The following COL25A1 variants were observed in gnomAD, a reference collection of about 807,000 sequenced individuals.
COL25A1 encodes collagen type XXV alpha 1 chain.
In COL25A1, 103 loss-of-function variants were observed where a neutral mutation model predicts 128.4. The ratio of observed to expected loss-of-function variants is 0.80; its 90% CI spans 0.68 to 0.94. COL25A1 has a LOEUF of 0.94. Among genes scored for constraint, COL25A1 ranks in the 40% least tolerant of loss-of-function variants. COL25A1 has a pLI of 0.00. For missense variants in COL25A1, 745 were observed against 840.0 expected (o/e 0.89, Z 1.40); for synonymous variants, 279 against 277.2 (o/e 1.01, Z -0.06).
At chr4:109,088,145 C>T (rs958591638) in intron 3 of COL25A1, among the ~76,000 whole-genome samples, 9 of 151,770 alleles carry the variant, frequency 5.9e-5, no homozygotes, top group African/African-American at 2.2e-4. Flanking sequence ...TTGACAGATG[C>T]TTTTTAAGTT....
intron 3 of COL25A1, among the ~76,000 whole-genome samples, chr4:109,168,862 G>A (rs1208159221): frequency 6.6e-6 from 1 of 152,122 alleles, no homozygotes; most frequent in Non-Finnish European, 1.5e-5. Flanking sequence ...CTCTTGATGT[G>A]AATTCATTGG....
At chr4:109,219,459 T>TA (rs2126207675) in intron 3 of COL25A1, among the ~76,000 whole-genome samples, 1 of 152,190 alleles carries the variant, frequency 6.6e-6, no homozygotes, top group East Asian at 1.9e-4. Context: ...TTTTTACTCT[T>TA]AGTCTGTACC....
intron 8 of COL25A1, among the ~76,000 whole-genome samples, chr4:108,952,215 T>A (rs1317382003): frequency 1.3e-5 from 2 of 152,176 alleles, no homozygotes; most frequent in African/African-American, 4.8e-5. Context: ...TACATATTAA[T>A]GAGAACTAGT....
chr4:108,912,961 A>G (rs184280316), intron 13 of COL25A1, among the ~76,000 whole-genome samples: 1 of 152,170 alleles, frequency 6.6e-6, no homozygotes, highest in African/African-American at 2.4e-5. Flanking sequence ...TGATGGATTC[A>G]TAGTTGACAC....
At chr4:109,173,849 T>G (rs1056075590) in intron 3 of COL25A1, among the ~76,000 whole-genome samples, 1 of 152,152 alleles carries the variant, frequency 6.6e-6, no homozygotes, top group Non-Finnish European at 1.5e-5. Context: ...CTTTTGGATT[T>G]GAGAATATTT....
chr4:109,108,847 T>C (rs1766712965), intron 3 of COL25A1, among the ~76,000 whole-genome samples: 1 of 152,324 alleles, frequency 6.6e-6, no homozygotes, highest in South Asian at 2.1e-4. Context: ...GACTATAATA[T>C]AGTGTAAAAA....
intron 3 of COL25A1, among the ~76,000 whole-genome samples, chr4:109,299,286 G>C (rs970729991): frequency 2.0e-4 from 30 of 152,098 alleles, no homozygotes; most frequent in Admixed American, 1.5e-3. Flanking sequence ...CTAGAAAAGT[G>C]CCTTCCTTGA....
intron 3 of COL25A1, among the ~76,000 whole-genome samples, chr4:109,263,310 T>C (rs1202307988): frequency 6.6e-6 from 1 of 152,196 alleles, no homozygotes; most frequent in Admixed American, 6.5e-5. Flanking sequence ...AGTACTAAAC[T>C]GATTTTTATT....
At chr4:109,053,819 T>C (rs1323635156) in intron 3 of COL25A1, among the ~76,000 whole-genome samples, 2 of 152,318 alleles carry the variant, frequency 1.3e-5, no homozygotes, top group South Asian at 2.1e-4. Flanking sequence ...GCTGGGTGTT[T>C]TGTTTTGACC....
At chr4:109,059,366 A>G (rs1224981744) in intron 3 of COL25A1, among the ~76,000 whole-genome samples, 1 of 152,232 alleles carries the variant, frequency 6.6e-6, no homozygotes, top group Non-Finnish European at 1.5e-5. Flanking sequence ...GAAACTAACA[A>G]TTTGGTCACT....
intron 19 of COL25A1, among the ~76,000 whole-genome samples, chr4:108,881,243 G>C (rs1740086902): frequency 6.6e-6 from 1 of 152,146 alleles, no homozygotes; most frequent in Non-Finnish European, 1.5e-5. Context: ...GTGATAGATA[G>C]ATGAGTCTGC....
chr4:108,867,000 G>T (rs1205551882), intron 20 of COL25A1, among the ~76,000 whole-genome samples: 1 of 152,200 alleles, frequency 6.6e-6, no homozygotes, highest in Non-Finnish European at 1.5e-5. Flanking sequence ...TCAGGGTTCA[G>T]AGTAGTATCT....
In COL25A1 at chr4:109,117,955, G is replaced by T. The variant is rs80089211; in HGVS notation, c.368-67776C>A. Among the ~76,000 whole-genome samples the T allele has an allele frequency of 8.5e-3, 1,291 of 151,486 alleles. 13 individuals carry two copies. Among genetic ancestry groups the T allele is most frequent in the Middle Eastern group, 0.021 (6 of 292 alleles). ...TATAACTGATGTGCTAAAAAAGGAA[G>T]AAAATGGAATGATATAAAATGCTCA... On this transcript the variant is annotated intron_variant, in intron 3 of 37. Transcript: ENST00000399132.
chr4:108,997,399 T>C (rs1754889076), intron 6 of COL25A1, among the ~76,000 whole-genome samples: 1 of 152,030 alleles, frequency 6.6e-6, no homozygotes, highest in Non-Finnish European at 1.5e-5. Flanking sequence ...TCCTGGATAC[T>C]TACAACCTCC....
chr4:108,931,894 G>C (rs1340890249), intron 11 of COL25A1, among the ~76,000 whole-genome samples: 1 of 152,210 alleles, frequency 6.6e-6, no homozygotes, highest in Non-Finnish European at 1.5e-5. Context: ...TGGACAATCA[G>C]ATTAAGGGAG....
intron 20 of COL25A1, among the ~76,000 whole-genome samples, chr4:108,867,933 C>A (rs1428250087): frequency 6.6e-6 from 1 of 151,882 alleles, no homozygotes; most frequent in Non-Finnish European, 1.5e-5. Context: ...GCTTTTAGAG[C>A]CCTCCCTAGG....
intron 3 of COL25A1, among the ~76,000 whole-genome samples, chr4:109,243,437 T>A (rs1318599445): frequency 6.6e-6 from 1 of 151,972 alleles, no homozygotes; most frequent in Non-Finnish European, 1.5e-5. Flanking sequence ...AAAAAAAATT[T>A]TTTTTTTAAA....
Position 108,889,221 on chromosome 4 carries a change from C to G in COL25A1, c.975G>C (p.Lys325Asn). The stretch of plus-strand genomic sequence containing the variant: ...AACACACTAGAGATAGAGATATTAC[C>G]TTTTGCCCTGGACGACCAGATTCCC... Reference protein sequence around the residue: ...EPGESGRPGQKGEPGLPGLPG... With the variant: ...EPGESGRPGQNGEPGLPGLPG... The change falls in exon 18 of 38, where the codon AAG (lysine) becomes AAC (asparagine). Residue 325 changes from lysine (K) to asparagine (N), a missense_variant and splice_region_variant. Physicochemically the swap from Lys to Asn is moderately conservative, Grantham distance 94. Coordinates refer to ENST00000399132, the MANE Select transcript of COL25A1 (RefSeq NM_198721.4). 6.2e-7 allele frequency: 1 copy of G among 1,613,240 alleles called. No homozygotes were observed. The highest frequency in any genetic ancestry group is 8.5e-7 in the Non-Finnish European group (1 of 1,179,276).
intron 37 of COL25A1, 108 bp downstream of exon 37, chr4:108,817,289 A>G: frequency 1.1e-6 from 1 of 942,308 alleles, no homozygotes; most frequent in Non-Finnish European, 1.7e-6. Context: ...CTGGAGATGA[A>G]ATCTTTTGCT....
Sources: gnomAD v4.1 joint callset for allele counts (sites outside exome capture counted in the v4.1 genomes callset) on GRCh38, gnomAD v4.1.1 for gene constraint, MANE v1.5 for transcripts, NCBI Gene and HGNC (gene_info 2026-07-23, HGNC 2026-07-21) for gene names.